TRIM55: variants seen among roughly 807,000 people sequenced by gnomAD.
TRIM55 encodes tripartite motif-containing protein 55.
In TRIM55, 50 loss-of-function variants were observed where a neutral mutation model predicts 60.9. The observed-to-expected ratio is 0.82, with a 90% CI of 0.65 to 1.04. The LOEUF is 1.04. Among genes scored for constraint, TRIM55 ranks in the 50% least tolerant of loss-of-function variants. TRIM55 has a pLI of 0.00. For synonymous variants in TRIM55, 237 were observed against 238.1 expected, an observed-to-expected ratio of 1.00 and a Z score of 0.04; for missense variants, 681 against 666.9, an observed-to-expected ratio of 1.02 and a Z score of -0.23.
chr8:66,134,721 G>A (rs1287032580), intron 2 of TRIM55, among the ~76,000 whole-genome samples: 4 of 152,080 alleles, frequency 2.6e-5, no homozygotes, highest in African/African-American at 9.7e-5. Flanking sequence ...ATGGAAATGG[G>A]CAAATGGTAC....
chr8:66,160,075 A>G (rs1387818318), intron 9 of TRIM55, among the ~76,000 whole-genome samples: 1 of 151,718 alleles, frequency 6.6e-6, no homozygotes, highest in Non-Finnish European at 1.5e-5. Context: ...TTTAGTGGTG[A>G]TTTCTGAGAT....
chr8:66,148,324 C>G (rs1810216636), intron 4 of TRIM55, among the ~76,000 whole-genome samples: 1 of 152,222 alleles, frequency 6.6e-6, no homozygotes, highest in Non-Finnish European at 1.5e-5. Flanking sequence ...GCCAGACTTC[C>G]AACACAGCCT....
At chr8:66,172,820 T>G (rs1811716922) in intron 9 of TRIM55, among the ~76,000 whole-genome samples, 1 of 152,252 alleles carries the variant, frequency 6.6e-6, no homozygotes, top group Non-Finnish European at 1.5e-5. Context: ...TGGACCTTGA[T>G]GGTCTGTTCA....
chr8:66,151,453 A>G (rs1009973769), intron 7 of TRIM55, among the ~76,000 whole-genome samples: 3 of 152,228 alleles, frequency 2.0e-5, no homozygotes, highest in Non-Finnish European at 4.4e-5. Flanking sequence ...ATGAGGCTGC[A>G]CCAACATCCA....
intron 3 of TRIM55, among the ~76,000 whole-genome samples, chr8:66,135,381 A>T (rs370261990): frequency 1.3e-5 from 2 of 152,218 alleles, no homozygotes; most frequent in African/African-American, 4.8e-5. Flanking sequence ...GAGACAGGGC[A>T]GGGGTGCCCA....
the TRIM55 span, among the ~76,000 whole-genome samples, chr8:66,119,094 A>G: frequency 1.2e-4 from 19 of 152,226 alleles, no homozygotes; most frequent in Admixed American, 1.1e-3. Flanking sequence ...CTGGTGCCCT[A>G]GTGCTCCAGC....
In TRIM55 at chr8:66,149,654, A is replaced by G. The variant is rs537580340; in HGVS notation, c.613A>G (p.Arg205Gly). The stretch of plus-strand genomic sequence containing the variant: ...CTAACCCAACTAATAGGAATGTTGC[A>G]GAAAACAGAAACAAGAGCTTTGTGA... Reference protein sequence around the residue: ...DTCKTIEECCRKQKQELCEKF... With the variant: ...DTCKTIEECCGKQKQELCEKF... The change falls in exon 5 of 10, where the codon AGA becomes GGA. Residue 205 changes from arginine (R) to glycine (G), a missense_variant. Transcript: ENST00000315962. 4 of 1,613,634 alleles carry G rather than the reference A, an allele frequency of 2.5e-6. No homozygotes were observed. The highest frequency in any genetic ancestry group is 2.2e-5 in the South Asian group (2 of 91,052).
At chr8:66,133,285 C>A (rs1008861383) in intron 2 of TRIM55, among the ~76,000 whole-genome samples, 9 of 152,190 alleles carry the variant, frequency 5.9e-5, no homozygotes, top group Admixed American at 5.2e-4. Flanking sequence ...ACAGGGAATA[C>A]TGTCCATTTA....
chr8:66,147,567 C>T (rs186761910), intron 4 of TRIM55, among the ~76,000 whole-genome samples: 4 of 151,922 alleles, frequency 2.6e-5, no homozygotes, highest in East Asian at 1.9e-4. Context: ...GAGGCCGAGG[C>T]GGGTGGATCA....
chr8:66,147,696 G>A (rs1377333655), intron 4 of TRIM55, among the ~76,000 whole-genome samples: 2 of 150,814 alleles, frequency 1.3e-5, no homozygotes, highest in African/African-American at 4.9e-5. Context: ...TCAGGAGCCT[G>A]AGGCAGGAGA....
chr8:66,152,331 C>A, intron 7 of TRIM55, 46 bp from the exon 8 acceptor site: 1 of 1,534,512 alleles, frequency 6.5e-7, no homozygotes, highest in Non-Finnish European at 8.7e-7. Flanking sequence ...GTGTCCATGG[C>A]TGCAGAGATA....
chr8:66,135,203 C>T lies in TRIM55; in HGVS notation c.507+48C>T, dbSNP rs368135260. The T allele has an allele frequency of 5.0e-6, 8 of 1,600,190 alleles. No individual in the cohort carries two copies. The African/African-American group carries it at 1.1e-4, about 21-fold the overall frequency. ...CCCGCAACCCCTCCCCATCCCCACACCTTAGGGCCTTCCTGGGGCCAGTGT... is the reference window on the plus strand; with the variant it reads ...CCCGCAACCCCTCCCCATCCCCACATCTTAGGGCCTTCCTGGGGCCAGTGT... On this transcript the variant is annotated intron_variant, in intron 3 of 9. Transcript: ENST00000315962.
upstream of TRIM55, chr8:66,127,084 G>A (rs1015846912): frequency 9.3e-6 from 5 of 536,966 alleles, no homozygotes; most frequent in Admixed American, 3.4e-5. Context: ...CCACCGTCAC[G>A]TGACCGCAGG....
chr8:66,147,514 C>G (rs575871691), intron 4 of TRIM55, among the ~76,000 whole-genome samples: 54 of 152,178 alleles, frequency 3.5e-4, no homozygotes, highest in African/African-American at 1.2e-3. Flanking sequence ...AAAATCTATT[C>G]CGCCAGGATT....
rs1451974843 is a variant in TRIM55 at position 66,164,807 on chromosome 8, G to A, written c.1525-9664G>A. On this transcript the variant is annotated intron_variant, in intron 9 of 9. Coordinates refer to ENST00000315962, the MANE Select transcript of TRIM55 (RefSeq NM_184085.2). ...GCAGTCCTCTTAGTCTCCAACCCAG[G>A]CTCTGTGATAGTTGTTTTGTAAGAT... Among the ~76,000 whole-genome samples, 3 of 152,126 alleles carry A rather than the reference G, an allele frequency of 2.0e-5. No individual in the cohort carries two copies. In the East Asian group the frequency reaches 5.8e-4, roughly 29 times the overall value.
chr8:66,133,733 C>T (rs934896377), intron 2 of TRIM55, among the ~76,000 whole-genome samples: 4 of 152,158 alleles, frequency 2.6e-5, no homozygotes, highest in African/African-American at 9.7e-5. Context: ...GGAACATTAG[C>T]GTCTTACAGA....
At chr8:66,166,549 T>G (rs1278704966) in intron 9 of TRIM55, among the ~76,000 whole-genome samples, 2 of 152,236 alleles carry the variant, frequency 1.3e-5, no homozygotes, top group Non-Finnish European at 2.9e-5. Flanking sequence ...AAGGTGTTAA[T>G]GCATCTGAAA....
chr8:66,164,623 A>C (rs894191559), intron 9 of TRIM55, among the ~76,000 whole-genome samples: 4 of 152,126 alleles, frequency 2.6e-5, no homozygotes, highest in African/African-American at 9.7e-5. Context: ...GTTTCTTTCT[A>C]TCTGACACAT....
chr8:66,154,017 T>C, intron 8 of TRIM55, 30 bp from the exon 9 acceptor site: 1 of 1,560,634 alleles, frequency 6.4e-7, no homozygotes, highest in Non-Finnish European at 8.6e-7. Context: ...TTTTTTTTCT[T>C]TACTTTTGAA....
Sources: gnomAD v4.1 joint callset for allele counts (sites outside exome capture counted in the v4.1 genomes callset) on GRCh38, gnomAD v4.1.1 for gene constraint, MANE v1.5 for transcripts, NCBI Gene and HGNC (gene_info 2026-07-23, HGNC 2026-07-21) for gene names.